Variants in MTUS2 observed in about 807,000 individuals in gnomAD.
The protein encoded by MTUS2 is microtubule-associated tumor suppressor candidate 2.
Under a neutral mutation model 114.1 loss-of-function variants are expected in MTUS2, and 40 were observed. That is an observed-to-expected ratio of 0.35 (90% CI 0.27 to 0.46). The LOEUF is 0.46. MTUS2 is among the 20% of genes least tolerant of loss of function. MTUS2 has a pLI of 1.00. For missense variants in MTUS2, 1,679 were observed against 1,705.4 expected, an observed-to-expected ratio of 0.98 and a Z score of 0.27; for synonymous variants, 688 against 672.0, an observed-to-expected ratio of 1.02 and a Z score of -0.37.
In MTUS2 at chr13:29,503,881, C is replaced by T. The variant is rs1883072139; in HGVS notation, c.*675C>T. On this transcript the variant is annotated 3_prime_UTR_variant, in exon 16 of 16. Transcript: ENST00000612955. ...TCTCAGTCAACATGATGTGAGATCACTATTATTCCATTCGCAAGTTTTAAT... is the reference window on the plus strand; with the variant it reads ...TCTCAGTCAACATGATGTGAGATCATTATTATTCCATTCGCAAGTTTTAAT... 8.6e-6 allele frequency: 2 copies of T among 232,700 alleles called. No homozygotes were observed. Among genetic ancestry groups the T allele is most frequent in the Admixed American group, 5.5e-5 (1 of 18,036 alleles). 14.4% of individuals were successfully genotyped at this position (232,700 alleles called of 1,614,324 possible). A position where few individuals can be genotyped will look rare whatever the true frequency, so the allele number is the denominator to read the frequency against.
intron 9 of MTUS2, among the ~76,000 whole-genome samples, chr13:29,461,122 C>T (rs942933349): frequency 6.6e-6 from 1 of 152,026 alleles, no homozygotes; most frequent in Non-Finnish European, 1.5e-5. Flanking sequence ...TAAGGGCCAA[C>T]TTGCTGTATC....
At chr13:29,213,971 C>G (rs980350520) in intron 5 of MTUS2, among the ~76,000 whole-genome samples, 1 of 150,966 alleles carries the variant, frequency 6.6e-6, no homozygotes, top group African/African-American at 2.4e-5. Context: ...CTATCTGTCT[C>G]TTATTTTTGT....
intron 11 of MTUS2, among the ~76,000 whole-genome samples, chr13:29,491,003 G>GTGTGTGTGTGTT (rs1482205170): frequency 6.9e-6 from 1 of 145,358 alleles, no homozygotes; most frequent in Non-Finnish European, 1.5e-5. Context: ...GTGTGTGTGT[G>GTGTGTGTGTGTT]TGTGGTGTGG....
intron 2 of MTUS2, among the ~76,000 whole-genome samples, chr13:28,893,696 A>G (rs1299059248): frequency 6.6e-6 from 1 of 152,212 alleles, no homozygotes; most frequent in African/African-American, 2.4e-5. Context: ...TTTTAGCAAC[A>G]TCAGAAGCAA....
intron 6 of MTUS2, among the ~76,000 whole-genome samples, chr13:29,314,815 A>G (rs7984481): frequency 0.032 from 4,876 of 152,322 alleles, 255 homozygotes; most frequent in African/African-American, 0.11. Flanking sequence ...TAGCAGTTCT[A>G]CTACTGGGTA....
At chr13:29,411,180 T>G (rs1254645975) in intron 8 of MTUS2, among the ~76,000 whole-genome samples, 6 of 151,958 alleles carry the variant, frequency 3.9e-5, no homozygotes, top group African/African-American at 1.5e-4. Context: ...GTTTTGGGGG[T>G]TTTTGTTTTC....
intron 5 of MTUS2, among the ~76,000 whole-genome samples, chr13:29,203,771 G>T (rs143645589): frequency 0.084 from 12,749 of 151,874 alleles, 700 homozygotes; most frequent in African/African-American, 0.14. Context: ...CCTTGGCTAG[G>T]GGAGGTAGTT....
intron 2 of MTUS2, among the ~76,000 whole-genome samples, chr13:28,946,310 C>CGT (rs1566243085): frequency 1.1e-4 from 16 of 151,038 alleles, no homozygotes; most frequent in South Asian, 2.1e-4. Context: ...TGTGTGCGCG[C>CGT]GCACATACCT....
intron 5 of MTUS2, among the ~76,000 whole-genome samples, chr13:29,128,237 C>T (rs61099560): frequency 2.6e-5 from 4 of 152,158 alleles, no homozygotes; most frequent in Non-Finnish European, 5.9e-5. Flanking sequence ...GCAGGCCTTT[C>T]TCAGGCCGTG....
chr13:29,321,693 AGTAATATGT>A (rs1286031706), intron 6 of MTUS2, among the ~76,000 whole-genome samples: 7 of 152,366 alleles, frequency 4.6e-5, no homozygotes, highest in Admixed American at 4.6e-4. Flanking sequence ...TTATTATACA[AGTAATATGT>A]GATGATTACA....
At chr13:29,430,828 T>C (rs754345176) in intron 8 of MTUS2, among the ~76,000 whole-genome samples, 55 of 152,340 alleles carry the variant, frequency 3.6e-4, no homozygotes, top group Admixed American at 5.9e-4. Context: ...CTTCAAACTC[T>C]AGAAATCAGA....
At chr13:28,979,617 T>C (rs1884269138) in intron 2 of MTUS2, among the ~76,000 whole-genome samples, 1 of 152,140 alleles carries the variant, frequency 6.6e-6, no homozygotes, top group Non-Finnish European at 1.5e-5. Context: ...GTAAAACATG[T>C]AGTCACCATG....
At chr13:29,382,398 A>G (rs1213672228) in intron 8 of MTUS2, among the ~76,000 whole-genome samples, 9 of 152,132 alleles carry the variant, frequency 5.9e-5, no homozygotes. Context: ...CATGGTGGAG[A>G]TGGCGTGAAG....
chr13:29,421,982 G>A (rs1201024213), intron 8 of MTUS2, among the ~76,000 whole-genome samples: 2 of 152,192 alleles, frequency 1.3e-5, no homozygotes, highest in East Asian at 3.8e-4. Context: ...CAGTTTTTAG[G>A]TTGTTTGTAT....
At chr13:29,094,106 C>T (rs375609635) in intron 4 of MTUS2, among the ~76,000 whole-genome samples, 3 of 151,972 alleles carry the variant, frequency 2.0e-5, no homozygotes, top group South Asian at 2.1e-4. Context: ...AGCTTCAGTG[C>T]GCAGTATCTT....
chr13:28,841,986 A>C (rs553392796), intron 2 of MTUS2, among the ~76,000 whole-genome samples: 94 of 152,224 alleles, frequency 6.2e-4, no homozygotes, highest in Non-Finnish European at 1.1e-3. Flanking sequence ...CGCCCGGCCA[A>C]AGTTTGTTTT....
intron 7 of MTUS2, among the ~76,000 whole-genome samples, chr13:29,337,603 C>CT (rs1278201083): frequency 7.6e-5 from 6 of 79,120 alleles, no homozygotes; most frequent in African/African-American, 1.8e-4. Context: ...TTTTATTTTT[C>CT]TATTTTTTTT....
At chr13:28,823,899 GA>G (rs1245844460) in intron 1 of MTUS2, among the ~76,000 whole-genome samples, 4 of 152,212 alleles carry the variant, frequency 2.6e-5, no homozygotes, top group South Asian at 4.2e-4. Context: ...GCAAAAGGGG[GA>G]AAAACACCGT....
At chr13:29,317,783 T>C (rs1450086183) in intron 6 of MTUS2, among the ~76,000 whole-genome samples, 1 of 152,222 alleles carries the variant, frequency 6.6e-6, no homozygotes, top group Non-Finnish European at 1.5e-5. Context: ...TTTTATTTGA[T>C]ATATTCTGAT....
Sources: gnomAD v4.1 joint callset for allele counts (sites outside exome capture counted in the v4.1 genomes callset) on GRCh38, gnomAD v4.1.1 for gene constraint, MANE v1.5 for transcripts, NCBI Gene and HGNC (gene_info 2026-07-23, HGNC 2026-07-21) for gene names.